RERE: variants seen among roughly 807,000 people sequenced by gnomAD.
RERE encodes arginine-glutamic acid dipeptide repeats protein.
Under a neutral mutation model 146.1 loss-of-function variants are expected in RERE, and 40 were observed. That is an observed-to-expected ratio of 0.27 (90% confidence interval 0.21 to 0.36). RERE has a LOEUF of 0.36. Ranked by LOEUF, RERE falls within the 10% of genes least tolerant of loss-of-function variation. The pLI is 1.00. For synonymous variants in RERE, 1,003 were observed against 866.0 expected, an observed-to-expected ratio of 1.16 and a Z score of -2.78; for missense variants, 1,933 against 2,138.7, an observed-to-expected ratio of 0.90 and a Z score of 1.90.
intron 1 of RERE, among the ~76,000 whole-genome samples, chr1:8,694,396 A>AT (rs1639275235): frequency 6.6e-6 from 1 of 152,192 alleles, no homozygotes; most frequent in Admixed American, 6.5e-5. Flanking sequence ...AAGAAAGAAA[A>AT]TAACTAGGAA....
At chr1:8,523,064 G>C (rs1645524335) in intron 7 of RERE, among the ~76,000 whole-genome samples, 1 of 152,044 alleles carries the variant, frequency 6.6e-6, no homozygotes, top group Non-Finnish European at 1.5e-5. Flanking sequence ...TGTAGTCCCA[G>C]CTATGTGGGA....
At chr1:8,540,374 A>G (rs1230083747) in intron 7 of RERE, among the ~76,000 whole-genome samples, 1 of 152,118 alleles carries the variant, frequency 6.6e-6, no homozygotes, top group Non-Finnish European at 1.5e-5. Context: ...TGGCCTCCTA[A>G]GGTTCTAGGA....
At chr1:8,743,015 C>A (rs533021483) in intron 1 of RERE, among the ~76,000 whole-genome samples, 2 of 152,042 alleles carry the variant, frequency 1.3e-5, no homozygotes, top group East Asian at 1.9e-4. Flanking sequence ...GTTTAATCCT[C>A]GAGACATATT....
chr1:8,611,159 C>A (rs1646788470), intron 4 of RERE, among the ~76,000 whole-genome samples: 1 of 151,880 alleles, frequency 6.6e-6, no homozygotes, highest in Admixed American at 6.6e-5. Context: ...CATGCCACTG[C>A]ACTCCAGCCT....
At chr1:8,525,709 A>C in intron 7 of RERE, 5 of 1,540,434 alleles carry the variant, frequency 3.2e-6, no homozygotes, top group Non-Finnish European at 4.4e-6. Flanking sequence ...AGTGAGAAAG[A>C]GCAGCAAAAC....
intron 1 of RERE, among the ~76,000 whole-genome samples, chr1:8,758,424 C>G (rs1392401350): frequency 1.3e-5 from 2 of 148,750 alleles, no homozygotes; most frequent in African/African-American, 5.0e-5. Context: ...CGGGGTTTCA[C>G]TCTGTTGCCC....
At chr1:8,707,583 A>G (rs1006857661) in intron 1 of RERE, among the ~76,000 whole-genome samples, 1 of 152,206 alleles carries the variant, frequency 6.6e-6, no homozygotes, top group African/African-American at 2.4e-5. Context: ...AATAACACTA[A>G]TAAGTGTCAA....
chr1:8,675,738 TATACATACATACATACATACATACATAC>T (rs59265268), intron 1 of RERE, among the ~76,000 whole-genome samples: 2 of 147,780 alleles, frequency 1.4e-5, no homozygotes, highest in African/African-American at 2.5e-5. Flanking sequence ...TACATACATA[TATACATACATACATACATACATACATAC>T]ATACATACAT....
intron 4 of RERE, among the ~76,000 whole-genome samples, chr1:8,601,219 T>C (rs1646620907): frequency 6.6e-6 from 1 of 151,906 alleles, no homozygotes; most frequent in African/African-American, 2.4e-5. Flanking sequence ...GGTTTCACCA[T>C]GTGGGCCAGG....
Position 8,364,011 on chromosome 1 carries a change from A to G in RERE, c.1740+45T>C. On this transcript the variant is annotated intron_variant, in intron 15 of 22. Coordinates refer to ENST00000400908, the MANE Select transcript of RERE (RefSeq NM_001042681.2). This position sits in a 1 kb window ranked among gnomAD's most constrained non-coding sequence, Gnocchi z 5.1. ...GGCTCAAGCCCCCACACATCCCAGGAAACTGAAGAAGTTGCCAGGAGCCCC... is the reference window on the plus strand; with the variant it reads ...GGCTCAAGCCCCCACACATCCCAGGGAACTGAAGAAGTTGCCAGGAGCCCC... 6.4e-7 allele frequency: 1 copy of G among 1,567,772 alleles called. No homozygotes were observed. The highest frequency in any genetic ancestry group is 8.8e-7 in the Non-Finnish European group (1 of 1,139,384).
intron 6 of RERE, among the ~76,000 whole-genome samples, chr1:8,549,861 G>T (rs1645912644): frequency 6.6e-6 from 1 of 152,186 alleles, no homozygotes. Context: ...AGGGACATTT[G>T]ACAAAACAAT....
In RERE at chr1:8,440,001, G is replaced by T. The variant is rs1291588461; in HGVS notation, c.1204-17194C>A. On this transcript the variant is annotated intron_variant, in intron 11 of 22. Coordinates refer to ENST00000400908, the MANE Select transcript of RERE (RefSeq NM_001042681.2). ...AGGCAGGAGAATTGCTTCAACCCGG[G>T]AGGCAGAGGTTGCAGTGAGCTGAGA... 2.6e-5 allele frequency among the ~76,000 whole-genome samples: 4 copies of T among 152,126 alleles called. No individual in the cohort carries two copies. In the South Asian group the frequency reaches 6.2e-4, roughly 24 times the overall value.
At chr1:8,518,252 C>T (rs1645446521) in intron 7 of RERE, among the ~76,000 whole-genome samples, 1 of 152,194 alleles carries the variant, frequency 6.6e-6, no homozygotes, top group Non-Finnish European at 1.5e-5. Context: ...CAAGAGCTGA[C>T]CCCCTCATTC....
chr1:8,666,020 G>C (rs1487291919), intron 1 of RERE, among the ~76,000 whole-genome samples: 1 of 152,154 alleles, frequency 6.6e-6, no homozygotes, highest in Non-Finnish European at 1.5e-5. Context: ...GTGAGACCTA[G>C]GATATGAACC....
chr1:8,606,336 T>C (rs1258873247), intron 4 of RERE, among the ~76,000 whole-genome samples: 6 of 152,190 alleles, frequency 3.9e-5, no homozygotes, highest in Non-Finnish European at 7.3e-5. Flanking sequence ...TTCTAAATTT[T>C]AAAAATTTTC....
At chr1:8,771,529 A>G (rs1640950727) in intron 1 of RERE, among the ~76,000 whole-genome samples, 1 of 151,546 alleles carries the variant, frequency 6.6e-6, no homozygotes, top group African/African-American at 2.4e-5. Flanking sequence ...TTTCAAAAAA[A>G]AAAAAAAAAC....
rs535489668 is a variant in RERE at position 8,521,808 on chromosome 1, C to T, written c.831-13133G>A. 6.8e-4 allele frequency among the ~76,000 whole-genome samples: 103 copies of T among 152,268 alleles called. 1 individual carries two copies. The highest frequency in any genetic ancestry group is 6.0e-4 in the African/African-American group (25 of 41,552). ...TTCCTCTTACCACAGATGATGCATT[C>T]ATTTATTCAACATATTCATACCAAA... On this transcript the variant is annotated intron_variant, in intron 7 of 22. Transcript: ENST00000400908.
chr1:8,594,747 T>C (rs1646535357), intron 4 of RERE, among the ~76,000 whole-genome samples: 1 of 152,190 alleles, frequency 6.6e-6, no homozygotes, highest in Non-Finnish European at 1.5e-5. Flanking sequence ...ATAAGACTTC[T>C]GAGAATCACT....
chr1:8,495,238 GGACATTTCCAGCCCA>G, intron 9 of RERE, 76 bp from the exon 10 acceptor site: 1 of 1,093,210 alleles, frequency 9.1e-7, no homozygotes, highest in Non-Finnish European at 1.4e-6. Context: ...AATTTTCAGA[GGACATTTCCAGCCCA>G]GAACAAATTC....
Sources: gnomAD v4.1 joint callset for allele counts (sites outside exome capture counted in the v4.1 genomes callset) on GRCh38, gnomAD v4.1.1 for gene constraint, Gnocchi (gnomAD v3.1) non-coding constraint, MANE v1.5 for transcripts, NCBI Gene and HGNC (gene_info 2026-07-23, HGNC 2026-07-21) for gene names.